Variants in FAM24B observed in about 807,000 individuals in gnomAD.
The protein encoded by FAM24B is family with sequence similarity 24 member B.
FAM24B carries 3 observed loss-of-function variants against 2.3 expected under a neutral mutation model. That is an observed-to-expected ratio of 1.29 (90% CI 0.59 to 3.32). FAM24B has a LOEUF of 3.32. Ranked by LOEUF, FAM24B falls within the 30% of genes most tolerant of loss-of-function variation. The pLI is 0.03. For missense variants in FAM24B, 98 were observed against 117.2 expected, an observed-to-expected ratio of 0.84 and a Z score of 0.76; for synonymous variants, 36 against 46.3, an observed-to-expected ratio of 0.78 and a Z score of 0.90.
intron 1 of FAM24B, among the ~76,000 whole-genome samples, chr10:122,874,207 G>T (rs1566268304): frequency 6.6e-6 from 1 of 152,088 alleles, no homozygotes; most frequent in Non-Finnish European, 1.5e-5. Context: ...ACTGATCCAG[G>T]GTTGTTGAAG....
intron 1 of FAM24B, among the ~76,000 whole-genome samples, chr10:122,874,842 A>G (rs1847954160): frequency 6.6e-6 from 1 of 152,170 alleles, no homozygotes; most frequent in Non-Finnish European, 1.5e-5. Flanking sequence ...TAAGCTCATC[A>G]GCCATTGTTA....
At chr10:122,868,305 A>G (rs968117723) in intron 1 of FAM24B, among the ~76,000 whole-genome samples, 4 of 152,176 alleles carry the variant, frequency 2.6e-5, no homozygotes, top group Admixed American at 6.6e-5. Flanking sequence ...ATCTACGTCT[A>G]ATTGGTGTAC....
chr10:122,869,468 CA>C (rs1290298980), intron 1 of FAM24B, among the ~76,000 whole-genome samples: 1 of 152,198 alleles, frequency 6.6e-6, no homozygotes. Flanking sequence ...CACCCCAAAT[CA>C]ACAGAATACA....
intron 1 of FAM24B, among the ~76,000 whole-genome samples, chr10:122,856,194 C>G (rs997114365): frequency 1.3e-5 from 2 of 152,124 alleles, no homozygotes; most frequent in Non-Finnish European, 2.9e-5. Context: ...TGACTCACAT[C>G]TTTGCCATGG....
chr10:122,849,681 C>A (rs1191687510), intron 3 of FAM24B, among the ~76,000 whole-genome samples: 2 of 151,910 alleles, frequency 1.3e-5, no homozygotes, highest in Non-Finnish European at 2.9e-5. Flanking sequence ...AGCAAGGTCA[C>A]CCAACTGGTC....
intron 1 of FAM24B, among the ~76,000 whole-genome samples, chr10:122,857,318 T>C (rs900697930): frequency 6.6e-6 from 1 of 152,144 alleles, no homozygotes; most frequent in Non-Finnish European, 1.5e-5. Flanking sequence ...GATATCTGCA[T>C]GGGGGAGCTG....
At chr10:122,851,586 G>A (rs1484674197) in intron 2 of FAM24B, among the ~76,000 whole-genome samples, 1 of 152,158 alleles carries the variant, frequency 6.6e-6, no homozygotes, top group Non-Finnish European at 1.5e-5. Context: ...ACTCTCTTAA[G>A]CCATGGAATA....
intron 1 of FAM24B, among the ~76,000 whole-genome samples, chr10:122,872,251 A>G (rs1221228828): frequency 6.6e-6 from 1 of 152,202 alleles, no homozygotes; most frequent in Non-Finnish European, 1.5e-5. Context: ...ACCTCATACC[A>G]GTTAGAATGG....
At chr10:122,875,997 C>G (rs1847971590) in intron 1 of FAM24B, among the ~76,000 whole-genome samples, 1 of 152,178 alleles carries the variant, frequency 6.6e-6, no homozygotes, top group African/African-American at 2.4e-5. Context: ...GACAGCCCAC[C>G]CTGAGGGAAG....
rs1161937512 is a variant in FAM24B at position 122,849,351 on chromosome 10, C to T, written c.181G>A (p.Ala61Thr). The T allele has an allele frequency of 6.2e-7, 1 of 1,613,490 alleles. No individual in the cohort carries two copies. Among genetic ancestry groups the T allele is most frequent in the South Asian group, 1.1e-5 (1 of 90,900 alleles). Residue 61 changes from alanine (A) to threonine (T), a missense_variant, in exon 4 of 4, where the codon GCC (alanine) becomes ACC (threonine). Transcript: ENST00000368898. ...WAKNSQAKTI[A>T]TESCPALQCC... is the part of the protein sequence containing the mutation. ...TGCAGGGCAGGACAAGACTCCGTGG[C>T]AATGGTTTTGGCCTGGCTGTTCTTG...
intron 1 of FAM24B, among the ~76,000 whole-genome samples, chr10:122,856,690 A>C (rs1015857481): frequency 2.0e-5 from 3 of 152,144 alleles, no homozygotes; most frequent in Admixed American, 6.5e-5. Flanking sequence ...CCCTGGGCCT[A>C]AATCAGGACT....
At chr10:122,869,134 C>T (rs1043590150) in intron 1 of FAM24B, among the ~76,000 whole-genome samples, 12 of 152,010 alleles carry the variant, frequency 7.9e-5, no homozygotes, top group Non-Finnish European at 1.8e-4. Context: ...GGTTGCAATC[C>T]TAGTCTCTGA....
intron 1 of FAM24B, among the ~76,000 whole-genome samples, chr10:122,868,349 A>G (rs948020964): frequency 6.6e-6 from 1 of 152,246 alleles, no homozygotes; most frequent in Non-Finnish European, 1.5e-5. Context: ...ACCAAGTTGG[A>G]AAACACTCTG....
At chr10:122,874,600 C>A (rs1847949326) in intron 1 of FAM24B, among the ~76,000 whole-genome samples, 1 of 152,128 alleles carries the variant, frequency 6.6e-6, no homozygotes, top group South Asian at 2.1e-4. Flanking sequence ...GGTTTCTAAT[C>A]AGAAATATAA....
intron 1 of FAM24B, among the ~76,000 whole-genome samples, chr10:122,860,158 T>C (rs897352715): frequency 2.0e-5 from 3 of 152,144 alleles, no homozygotes; most frequent in Non-Finnish European, 4.4e-5. Flanking sequence ...AACAGTTCCA[T>C]CACCTTAAAA....
chr10:122,850,647 C>A, intron 2 of FAM24B, 97 bp from the exon 3 acceptor site: 1 of 703,816 alleles, frequency 1.4e-6, no homozygotes, highest in East Asian at 2.6e-5. Flanking sequence ...AGAAGAAACC[C>A]CAAACACAGA....
chr10:122,872,484 C>T (rs188814601), intron 1 of FAM24B, among the ~76,000 whole-genome samples: 1,669 of 152,324 alleles, frequency 0.011, 30 homozygotes, highest in African/African-American at 0.038. Context: ...GACACATGCA[C>T]ACATATATTT....
chr10:122,865,691 T>C (rs1847793549), intron 1 of FAM24B, among the ~76,000 whole-genome samples: 2 of 152,188 alleles, frequency 1.3e-5, no homozygotes, highest in African/African-American at 2.4e-5. Context: ...ATAAAATTTG[T>C]ATTATTTTTG....
At chr10:122,859,504 T>C (rs1355535043) in intron 1 of FAM24B, among the ~76,000 whole-genome samples, 1 of 152,178 alleles carries the variant, frequency 6.6e-6, no homozygotes, top group Non-Finnish European at 1.5e-5. Flanking sequence ...ATCAAAGGCA[T>C]TCCACCAAGC....
Sources: allele counts gnomAD v4.1 joint callset (sites outside exome capture counted in the v4.1 genomes callset), GRCh38; gene constraint gnomAD v4.1.1; transcripts MANE v1.5; gene names NCBI Gene and HGNC (gene_info 2026-07-23, HGNC 2026-07-21).